The following SCARF1 variants were observed in gnomAD, a reference collection of about 807,000 sequenced individuals.
The protein encoded by SCARF1 is acetyl LDL receptor.
A neutral mutation model predicts 76.3 loss-of-function variants in SCARF1; 49 were observed. That is an observed-to-expected ratio of 0.64 (90% CI 0.51 to 0.81). The LOEUF (loss-of-function observed/expected upper bound fraction) is 0.81. Ranked by LOEUF, SCARF1 falls within the 40% of genes least tolerant of loss-of-function variation. The pLI is 0.00. For missense variants in SCARF1, 1,098 were observed against 1,143.9 expected (o/e 0.96, Z 0.58); for synonymous variants, 495 against 474.6 (o/e 1.04, Z -0.56).
At position 1,643,846 on chromosome 17, in the gene SCARF1, G is replaced by T. The variant is rs1910306138; in HGVS notation, c.387C>A (p.Cys129Ter). ...GGGGGCCGCAGGCGCACGGGAACTC[G>T]CAGCGGGCTCCCCAGCGGTCGGCCT... is the stretch of plus-strand genomic sequence containing the variant. ...QCQADRWGAR[C>*]EFPCACGPHG... Residue 129 changes from cysteine to a stop codon, truncating the protein, a stop_gained, in exon 4 of 11, where the codon TGC (cysteine) becomes TGA (stop). Transcript: ENST00000263071. LOFTEE classifies it high-confidence loss of function. The T allele has an allele frequency of 7.9e-7, 1 of 1,271,930 alleles. No individual in the cohort carries two copies. Among genetic ancestry groups the T allele is most frequent in the Non-Finnish European group, 9.9e-7 (1 of 1,012,026 alleles). 78.8% of individuals were successfully genotyped at this position (1,271,930 alleles called of 1,614,324 possible). A position where few individuals can be genotyped will look rare whatever the true frequency, so the allele number is the denominator to read the frequency against.
intron 8 of SCARF1, 193 bp downstream of exon 8, chr17:1,638,613 G>A (rs908603698): frequency 4.2e-5 from 25 of 595,582 alleles, no homozygotes; most frequent in African/African-American, 3.2e-4. Flanking sequence ...CTACGTGGGC[G>A]ACAAGGCCAG....
Position 1,645,496 on chromosome 17 carries a change from C to T in SCARF1, c.101+101G>A, listed in dbSNP as rs1361594782. Reference sequence around the variant, plus strand: ...TCAGCCTAAGCCCCCTTCCTAGTCTCCTCCTTCCCCTAACGGCCTCAACAC... The same window carrying T: ...TCAGCCTAAGCCCCCTTCCTAGTCTTCTCCTTCCCCTAACGGCCTCAACAC... On this transcript the variant is annotated intron_variant, in intron 1 of 10. Transcript: ENST00000263071. The surrounding 1 kb of genome is among the most constrained non-coding windows in gnomAD (Gnocchi z 6.3). 2.0e-6 allele frequency: 3 copies of T among 1,534,888 alleles called. No individual in the cohort carries two copies. The highest frequency in any genetic ancestry group is 2.6e-6 in the Non-Finnish European group (3 of 1,147,116).
Position 1,645,493 on chromosome 17 carries a change from TCTC to T in SCARF1, c.101+101_101+103del. ...CTTTCAGCCTAAGCCCCCTTCCTAG[TCTC>T]CTCCTTCCCCTAACGGCCTCAACAC... On this transcript the variant is annotated intron_variant, in intron 1 of 10. Transcript: ENST00000263071. This position sits in a 1 kb window ranked among gnomAD's most constrained non-coding sequence, Gnocchi z 6.3. The T allele has an allele frequency of 3.9e-6, 6 of 1,531,622 alleles. No individual in the cohort carries two copies. Among genetic ancestry groups the T allele is most frequent in the South Asian group, 1.2e-5 (1 of 84,054 alleles). 94.9% of individuals were successfully genotyped at this position (1,531,622 alleles called of 1,614,324 possible).
At position 1,635,509 on chromosome 17, in the gene SCARF1, C is replaced by T. The variant is rs1206216946; in HGVS notation, c.1742G>A (p.Ser581Asn). 11 of 1,613,888 alleles carry T rather than the reference C, an allele frequency of 6.8e-6. No homozygotes were observed. Among genetic ancestry groups the T allele is most frequent in the Non-Finnish European group, 9.3e-6 (11 of 1,179,964 alleles). ...STPFAIPRTS[S>N]LARAKRPSVS... ...CGATGGCCGCTTGGCCCGAGCTAGG[C>T]TGGAGGTGCGCGGGATGGCGAATGG... Residue 581 changes from serine (S) to asparagine (N), a missense_variant, in exon 11 of 11, where the codon AGC (serine) becomes AAC (asparagine). Coordinates refer to ENST00000263071, the MANE Select transcript of SCARF1 (RefSeq NM_003693.4).
Position 1,635,165 on chromosome 17 carries a change from C to T in SCARF1, c.2086G>A (p.Gly696Arg). Residue 696 changes from glycine (G) to arginine (R), a missense_variant, in exon 11 of 11, where the codon GGG becomes AGG. Transcript: ENST00000263071. ...GPVTTIYMLA[G>R]KPRGSEGPVR... The stretch of plus-strand genomic sequence containing the variant: ...GGGCCTTCGGATCCGCGGGGCTTCC[C>T]TGCCAGCATGTAGATCGTGGTCACA... 6.2e-7 allele frequency: 1 copy of T among 1,613,546 alleles called. No individual in the cohort carries two copies. The highest frequency in any genetic ancestry group is 8.5e-7 in the Non-Finnish European group (1 of 1,180,030).
chr17:1,635,055 C>T lies in SCARF1; in HGVS notation c.2196G>A (p.Pro732=), dbSNP rs142139534. The change falls in exon 11 of 11, where the codon CCG becomes CCA. Residue 732 remains proline, a synonymous_variant. Transcript: ENST00000263071. ...CCTTTTTCCGATTCAGGGCCTGGCG[C>T]GGAGGCTTAGGGATGGCCCTCTTGA... ...AKVKRAIPKP[P]RQALNRKKGS... 47 of 1,613,762 alleles carry T rather than the reference C, an allele frequency of 2.9e-5. 1 individual carries two copies. The highest frequency in any genetic ancestry group is 9.3e-5 in the African/African-American group (7 of 74,946).
chr17:1,643,695 C>T lies in SCARF1; in HGVS notation c.538G>A (p.Val180Met). Residue 180 changes from valine (V) to methionine (M), a missense_variant, in exon 4 of 11, where the codon GTG becomes ATG. Coordinates refer to ENST00000263071, the MANE Select transcript of SCARF1 (RefSeq NM_003693.4). ...CGCCCCCACCAGCCCGGCTTGCACA[C>T]GCAGGCGCCCGTGGCCTGCTCGCAG... ...ARCEQATGAC[V>M]CKPGWWGRRC... The T allele has an allele frequency of 1.4e-6, 2 of 1,441,948 alleles. No homozygotes were observed. Among genetic ancestry groups the T allele is most frequent in the Admixed American group, 2.8e-5 (1 of 36,186 alleles). 89.3% of individuals were successfully genotyped at this position (1,441,948 alleles called of 1,614,324 possible). A position where few individuals can be genotyped will look rare whatever the true frequency, so the allele number is the denominator to read the frequency against.
chr17:1,644,876 A>G lies in SCARF1; in HGVS notation c.223T>C (p.Cys75Arg), dbSNP rs752968119. ...CCAAAGAATCCAGGCTTGCATCGAC[A>G]GAGGCCCGGCTTCACACACACCTCG... Reference protein sequence around the residue: ...KDEVCVKPGLCRCKPGFFGAH... With the variant: ...KDEVCVKPGLRRCKPGFFGAH... The change falls in exon 3 of 11, where the codon TGT (cysteine) becomes CGT (arginine). Residue 75 changes from cysteine (C) to arginine (R), a missense_variant. By Grantham distance (180) the Cys-to-Arg change is radical. Coordinates refer to ENST00000263071, the MANE Select transcript of SCARF1 (RefSeq NM_003693.4). This position sits in a 1 kb window ranked among gnomAD's most constrained non-coding sequence, Gnocchi z 4.8. 4 of 1,613,526 alleles carry G rather than the reference A, an allele frequency of 2.5e-6. No individual in the cohort carries two copies. Among genetic ancestry groups the G allele is most frequent in the Non-Finnish European group, 3.4e-6 (4 of 1,179,950 alleles).
chr17:1,639,526 AAG>A, intron 7 of SCARF1, 111 bp downstream of exon 7: 8 of 701,168 alleles, frequency 1.1e-5, no homozygotes, highest in South Asian at 7.3e-5. Context: ...AAAAAAAAAA[AAG>A]AATATCTCTG....
Position 1,635,288 on chromosome 17 carries a change from C to A in SCARF1, c.1963G>T (p.Asp655Tyr). The change falls in exon 11 of 11, where the codon GAT becomes TAT. Residue 655 changes from aspartate (D) to tyrosine (Y), a missense_variant. Asp to Tyr is a radical substitution (Grantham distance 160, BLOSUM62 -3). Coordinates refer to ENST00000263071, the MANE Select transcript of SCARF1 (RefSeq NM_003693.4). ...GGCCGCCGGTGGCCAGTGGCTGAAT[C>A]CCCGGGACTGGCAGCCGCCGGAAAG... The part of the protein sequence containing the change: ...ESFPAAASPG[D>Y]SATGHRRPPL... 1 of 1,612,052 alleles carries A rather than the reference C, an allele frequency of 6.2e-7. No homozygotes were observed. Among genetic ancestry groups the A allele is most frequent in the Non-Finnish European group, 8.5e-7 (1 of 1,179,084 alleles).
Position 1,644,749 on chromosome 17 carries a change from C to T in SCARF1, c.265+85G>A. 1.5e-6 allele frequency: 2 copies of T among 1,315,718 alleles called. No individual in the cohort carries two copies. Among genetic ancestry groups the T allele is most frequent in the Non-Finnish European group, 2.1e-6 (2 of 940,838 alleles). 81.5% of individuals were successfully genotyped at this position (1,315,718 alleles called of 1,614,324 possible). ...TTCTGGCCCTGCTGTCCTGAGGCTG[C>T]ATGGCTACCTGCCTCGCCTGCTCCC... On this transcript the variant is annotated intron_variant, in intron 3 of 10. Transcript: ENST00000263071. This position sits in a 1 kb window ranked among gnomAD's most constrained non-coding sequence, Gnocchi z 4.8.
At position 1,638,829 on chromosome 17, in the gene SCARF1, G is replaced by A. The variant is rs751579843; in HGVS notation, c.1341C>T (p.Ala447=). 19 of 1,610,572 alleles carry A rather than the reference G, an allele frequency of 1.2e-5. No individual in the cohort carries two copies. The highest frequency in any genetic ancestry group is 1.6e-5 in the Non-Finnish European group (19 of 1,178,204). Residue 447 remains alanine (A), a synonymous_variant, in exon 8 of 11, where the codon GCC becomes GCT. Transcript: ENST00000263071. ...ACCTGTCCTTGAGGTCTGATCGGGGGGCCCAGCAGCAGCAGGCACAGCAGG... is the reference window on the plus strand; with the variant it reads ...ACCTGTCCTTGAGGTCTGATCGGGGAGCCCAGCAGCAGCAGGCACAGCAGG... The part of the protein sequence containing the change: ...GLACCACCCW[A]PRSDLKDRPA...
At chr17:1,642,956 C>A (rs1910171345) in intron 4 of SCARF1, among the ~76,000 whole-genome samples, 1 of 152,200 alleles carries the variant, frequency 6.6e-6, no homozygotes, top group South Asian at 2.1e-4. Flanking sequence ...CCCGCCTCAG[C>A]CTCCCAAAGT....
chr17:1,633,919 C>G lies in SCARF1; in HGVS notation c.*839G>C, dbSNP rs996074853. 1 of 152,068 alleles carries G rather than the reference C, an allele frequency of 6.6e-6. No individual in the cohort carries two copies. Among genetic ancestry groups the G allele is most frequent in the African/African-American group, 2.4e-5 (1 of 41,416 alleles). 9.4% of individuals were successfully genotyped at this position (152,068 alleles called of 1,614,324 possible). A position where few individuals can be genotyped will look rare whatever the true frequency, so the allele number is the denominator to read the frequency against. ...ACAAAGATCATTGCTTTTTATTATA[C>G]TTTATCAAATTCAATCTAGTAACAA... On this transcript the variant is annotated 3_prime_UTR_variant, in exon 11 of 11. Coordinates refer to ENST00000263071, the MANE Select transcript of SCARF1 (RefSeq NM_003693.4).
At position 1,645,587 on chromosome 17, in the gene SCARF1, C is replaced by A. The variant is rs367657383; in HGVS notation, c.101+10G>T. ...GCTGGCCACACGCATCAGACTCCCA[C>A]GAGACCCACCTGCTGGCCACACAGA... On this transcript the variant is annotated intron_variant, in intron 1 of 10. Coordinates refer to ENST00000263071, the MANE Select transcript of SCARF1 (RefSeq NM_003693.4). This position sits in a 1 kb window ranked among gnomAD's most constrained non-coding sequence, Gnocchi z 6.3. 4 of 1,601,842 alleles carry A rather than the reference C, an allele frequency of 2.5e-6. No individual in the cohort carries two copies. The highest frequency in any genetic ancestry group is 3.4e-6 in the Non-Finnish European group (4 of 1,177,396).
intron 10 of SCARF1, 86 bp from the exon 11 acceptor site, chr17:1,635,703 C>A: frequency 1.4e-6 from 2 of 1,456,184 alleles, no homozygotes; most frequent in South Asian, 1.4e-5. Context: ...TTCCAGGAGG[C>A]CTCAAAAATA....
chr17:1,640,388 C>A lies in SCARF1; in HGVS notation c.1010+60G>T. On this transcript the variant is annotated intron_variant, in intron 5 of 10. Transcript: ENST00000263071. This position sits in a 1 kb window ranked among gnomAD's most constrained non-coding sequence, Gnocchi z 4.7. Reference sequence around the variant, plus strand: ...GGAGGGTGGTGCTCTCGGAGAGAGCCGCTGAGCTGAGGGTCCTGGGGGAAG... The same window carrying A: ...GGAGGGTGGTGCTCTCGGAGAGAGCAGCTGAGCTGAGGGTCCTGGGGGAAG... The A allele has an allele frequency of 6.9e-7, 1 of 1,439,442 alleles. No individual in the cohort carries two copies. Among genetic ancestry groups the A allele is most frequent in the Non-Finnish European group, 9.5e-7 (1 of 1,054,546 alleles). 89.2% of individuals were successfully genotyped at this position (1,439,442 alleles called of 1,614,324 possible). A position where few individuals can be genotyped will look rare whatever the true frequency, so the allele number is the denominator to read the frequency against.
intron 4 of SCARF1, among the ~76,000 whole-genome samples, chr17:1,642,162 C>T (rs774759630): frequency 2.7e-5 from 4 of 149,850 alleles, no homozygotes; most frequent in Non-Finnish European, 3.0e-5. Flanking sequence ...TTTTAATTTT[C>T]TTTTTTTAAA....
chr17:1,642,198 T>C (rs1449853554), intron 4 of SCARF1, among the ~76,000 whole-genome samples: 1 of 151,666 alleles, frequency 6.6e-6, no homozygotes, highest in East Asian at 1.9e-4. Flanking sequence ...TTTTTTATTA[T>C]TATACTTTAA....
Sources: gnomAD v4.1 joint callset for allele counts (sites outside exome capture counted in the v4.1 genomes callset) on GRCh38, gnomAD v4.1.1 for gene constraint, Gnocchi (gnomAD v3.1) non-coding constraint, MANE v1.5 for transcripts, NCBI Gene and HGNC (gene_info 2026-07-23, HGNC 2026-07-21) for gene names.